RNF170: variants seen among roughly 807,000 people sequenced by gnomAD.
The protein encoded by RNF170 is E3 ubiquitin-protein ligase RNF170.
RNF170 carries 12 observed loss-of-function variants against 32.7 expected under a neutral mutation model. That is an observed-to-expected ratio of 0.37 (90% CI 0.24 to 0.60). RNF170 has a LOEUF of 0.60. Ranked by LOEUF, RNF170 falls within the 20% of genes least tolerant of loss-of-function variation. The probability of loss-of-function intolerance (pLI) is 0.72; values close to 1 mark genes in which losing one functional copy is unlikely to be tolerated. For missense variants in RNF170, 212 were observed against 311.2 expected (o/e 0.68, Z 2.40); for synonymous variants, 91 against 103.6 (o/e 0.88, Z 0.74).
At chr8:42,896,289 G>T (rs1371622549) in intron 1 of RNF170, 195 bp downstream of exon 1, 8 of 348,898 alleles carry the variant, frequency 2.3e-5, no homozygotes, top group African/African-American at 1.4e-4. Context: ...CTCCACCGTC[G>T]CCGGCGACTC....
intron 6 of RNF170, among the ~76,000 whole-genome samples, chr8:42,858,034 C>T (rs893893909): frequency 1.3e-5 from 2 of 151,284 alleles, no homozygotes; most frequent in East Asian, 3.9e-4. Flanking sequence ...GACTCTGTCT[C>T]AAAAAGAAAA....
downstream of RNF170, chr8:42,850,630 GAGA>G: frequency 1.2e-6 from 1 of 821,582 alleles, no homozygotes; most frequent in Non-Finnish European, 1.9e-6. Flanking sequence ...GTGTTCTAGT[GAGA>G]AGCAGACAGA....
At chr8:42,895,696 T>C (rs913753031) in intron 1 of RNF170, among the ~76,000 whole-genome samples, 1 of 152,152 alleles carries the variant, frequency 6.6e-6, no homozygotes, top group African/African-American at 2.4e-5. Flanking sequence ...ACAATTAAAA[T>C]TACCTATACA....
At chr8:42,893,562 T>C (rs1586565622) in intron 1 of RNF170, among the ~76,000 whole-genome samples, 1 of 152,200 alleles carries the variant, frequency 6.6e-6, no homozygotes, top group South Asian at 2.1e-4. Flanking sequence ...TTGGGGCGGG[T>C]GTGGCAGGGG....
rs778510363 is a variant in RNF170 at position 42,856,404 on chromosome 8, G to A, written c.532C>T (p.Pro178Ser). The change falls in exon 7 of 7, where the codon CCC becomes TCC. Residue 178 changes from proline to serine, a missense_variant. Pro to Ser is a moderately conservative substitution (Grantham distance 74, BLOSUM62 -1). This residue lies in a region of RNF170 where 97 missense variants were observed against 178.9 expected (regional missense o/e 0.54). Coordinates refer to ENST00000527424, the MANE Select transcript of RNF170 (RefSeq NM_030954.4). ...CTGAATGCATGCCTCAGTAAAGTGG[G>A]TAGATCCATAATTCTCTCCATAATC... is the stretch of plus-strand genomic sequence containing the variant. ...RSIMERIMDL[P>S]TLLRHAFREM... 3 of 1,611,434 alleles carry A rather than the reference G, an allele frequency of 1.9e-6. No individual in the cohort carries two copies. Among genetic ancestry groups the A allele is most frequent in the Non-Finnish European group, 2.5e-6 (3 of 1,179,220 alleles).
Position 42,853,619 on chromosome 8 carries a change from A to C in RNF170, c.*2540T>G. The C allele has an allele frequency of 7.8e-7, 1 of 1,283,908 alleles. No homozygotes were observed. Among genetic ancestry groups the C allele is most frequent in the South Asian group, 1.2e-5 (1 of 80,692 alleles). The allele number at this position is 1,283,908 out of a possible 1,614,324, so 79.5% of individuals were successfully genotyped here. ...ACAGTTATGATATTGTTGTTTAAAA[A>C]AAATCCAAATTGTTACTTTGATTTA... On this transcript the variant is annotated 3_prime_UTR_variant, in exon 7 of 7. Coordinates refer to ENST00000527424, the MANE Select transcript of RNF170 (RefSeq NM_030954.4).
chr8:42,882,512 T>C (rs1224366558), intron 2 of RNF170, among the ~76,000 whole-genome samples: 2 of 152,156 alleles, frequency 1.3e-5, no homozygotes, highest in African/African-American at 2.4e-5. Context: ...GTGAGCACCA[T>C]ACCCAATGAA....
chr8:42,894,219 A>T (rs1416669123), intron 1 of RNF170, among the ~76,000 whole-genome samples: 2 of 152,228 alleles, frequency 1.3e-5, no homozygotes, highest in Non-Finnish European at 2.9e-5. Context: ...GCACAAAAGC[A>T]CTGTGGATAT....
At chr8:42,890,864 G>C (rs1231273631) in intron 1 of RNF170, among the ~76,000 whole-genome samples, 1 of 152,124 alleles carries the variant, frequency 6.6e-6, no homozygotes, top group Non-Finnish European at 1.5e-5. Context: ...GAGTAAAAAA[G>C]CAACTGCAGG....
At chr8:42,859,172 C>CA (rs1325223678) in intron 6 of RNF170, among the ~76,000 whole-genome samples, 2 of 151,780 alleles carry the variant, frequency 1.3e-5, no homozygotes, top group Non-Finnish European at 2.9e-5. Context: ...TCAAAACAAA[C>CA]AAACAAAATA....
At chr8:42,878,943 T>G (rs1409619657) in intron 2 of RNF170, among the ~76,000 whole-genome samples, 4 of 152,234 alleles carry the variant, frequency 2.6e-5, no homozygotes, top group Non-Finnish European at 2.9e-5. Flanking sequence ...CTACTCTGCC[T>G]GTGCTCTATA....
chr8:42,863,837 A>G (rs1803859420), intron 5 of RNF170, among the ~76,000 whole-genome samples: 1 of 152,324 alleles, frequency 6.6e-6, no homozygotes, highest in Admixed American at 6.5e-5. Context: ...GCCACAAGTA[A>G]AATATGAAAG....
rs541811100 is a variant in RNF170, at chr8:42,861,770, C to T, written c.482G>A (p.Arg161Gln). 18 of 1,613,352 alleles carry T rather than the reference C, an allele frequency of 1.1e-5. No individual in the cohort carries two copies. Among genetic ancestry groups the T allele is most frequent in the East Asian group, 2.2e-5 (1 of 44,858 alleles). The change falls in exon 6 of 7, where the codon CGG becomes CAG. Residue 161 changes from arginine (R) to glutamine (Q), a missense_variant. This residue lies in a region of RNF170 where 97 missense variants were observed against 178.9 expected (regional missense o/e 0.54). Coordinates refer to ENST00000527424, the MANE Select transcript of RNF170 (RefSeq NM_030954.4). ...AGATCTGGGTTGCCCTGAGAATCTC[C>T]GGTTATAATCATTAATATCCTGATG... ...RLHQDINDYN[R>Q]RFSGQPRSIM...
intron 2 of RNF170, among the ~76,000 whole-genome samples, chr8:42,886,020 C>T (rs997314846): frequency 7.2e-5 from 11 of 152,056 alleles, no homozygotes; most frequent in Non-Finnish European, 1.5e-4. Flanking sequence ...GTCAGGAGTT[C>T]GAGACCATCC....
At chr8:42,892,980 T>C (rs971457441) in intron 1 of RNF170, among the ~76,000 whole-genome samples, 1 of 152,076 alleles carries the variant, frequency 6.6e-6, no homozygotes, top group Non-Finnish European at 1.5e-5. Flanking sequence ...GAACAAGACC[T>C]TGTCTCAAAA....
chr8:42,895,321 C>A (rs2130253997), intron 1 of RNF170, among the ~76,000 whole-genome samples: 1 of 152,112 alleles, frequency 6.6e-6, no homozygotes, highest in East Asian at 1.9e-4. Flanking sequence ...CCATCAACAA[C>A]AACAAAAAAC....
intron 4 of RNF170, among the ~76,000 whole-genome samples, chr8:42,869,222 T>G (rs1804344013): frequency 6.6e-6 from 1 of 152,176 alleles, no homozygotes; most frequent in African/African-American, 2.4e-5. Context: ...TTTGTAAAAT[T>G]TCTTCACATC....
chr8:42,883,738 T>A (rs1316893082), intron 2 of RNF170, among the ~76,000 whole-genome samples: 1 of 151,944 alleles, frequency 6.6e-6, no homozygotes, highest in African/African-American at 2.4e-5. Context: ...AATAAAATAT[T>A]TTTTAAAAAG....
chr8:42,856,573 G>A, intron 6 of RNF170, 145 bp from the exon 7 acceptor site: 1 of 634,742 alleles, frequency 1.6e-6, no homozygotes, highest in East Asian at 2.8e-5. Context: ...ATTATGTGTT[G>A]TATTTAAAAA....
Sources: allele counts gnomAD v4.1 joint callset (sites outside exome capture counted in the v4.1 genomes callset), GRCh38; gene constraint gnomAD v4.1.1; regional missense constraint gnomAD v4.1.1; transcripts MANE v1.5; gene names NCBI Gene and HGNC (gene_info 2026-07-23, HGNC 2026-07-21).